The following LAMA2 variants were observed in gnomAD, a reference collection of about 807,000 sequenced individuals.
LAMA2 encodes laminin subunit alpha-2.
In LAMA2, 269 loss-of-function variants were observed where a neutral mutation model predicts 364.8. The ratio of observed to expected loss-of-function variants is 0.74; its 90% confidence interval spans 0.67 to 0.82. The LOEUF (loss-of-function observed/expected upper bound fraction) is 0.82. LAMA2 is among the 40% of genes least tolerant of loss of function. The pLI is 0.00. For missense variants in LAMA2, 3,807 were observed against 3,873.2 expected (o/e 0.98, Z 0.45); for synonymous variants, 1,379 against 1,370.6 (o/e 1.01, Z -0.14).
intron 3 of LAMA2, among the ~76,000 whole-genome samples, chr6:129,097,656 G>A (rs190200312): frequency 6.6e-6 from 1 of 152,298 alleles, no homozygotes; most frequent in African/African-American, 2.4e-5. Flanking sequence ...CTGCCACAAT[G>A]CTAGAACCAC....
intron 3 of LAMA2, among the ~76,000 whole-genome samples, chr6:129,079,715 C>G (rs1181481721): frequency 6.6e-6 from 1 of 151,948 alleles, no homozygotes; most frequent in Non-Finnish European, 1.5e-5. Context: ...GTGAAGAATG[C>G]CCATGTAAAA....
At chr6:128,949,721 T>C (rs1199626528) in intron 1 of LAMA2, among the ~76,000 whole-genome samples, 1 of 152,168 alleles carries the variant, frequency 6.6e-6, no homozygotes, top group Admixed American at 6.6e-5. Context: ...GGTAATTCTT[T>C]CTGTTTTTAT....
In LAMA2 at chr6:129,454,226, A is replaced by C; in HGVS notation, c.6645A>C (p.Gly2215=). 6.2e-7 allele frequency: 1 copy of C among 1,612,110 alleles called. No individual in the cohort carries two copies. Among genetic ancestry groups the C allele is most frequent in the East Asian group, 2.2e-5 (1 of 44,814 alleles). ...TCTGGGATGTTGGATCTGGAGTTGG[A>C]CGTGTAGAGTACCCAGATTTGACTA... ...SFLWDVGSGV[G]RVEYPDLTID... is the part of the protein sequence containing the mutation. The change falls in exon 47 of 65, where the codon GGA becomes GGC. Residue 2215 remains glycine, a synonymous_variant. Coordinates refer to ENST00000421865, the MANE Select transcript of LAMA2 (RefSeq NM_000426.4).
At position 129,315,502 on chromosome 6, in the gene LAMA2, T is replaced by C. The variant is rs137962409; in HGVS notation, c.3582T>C (p.Ile1194=). The C allele has an allele frequency of 4.9e-4, 785 of 1,614,088 alleles. 1 individual carries two copies. Among genetic ancestry groups the C allele is most frequent in the Non-Finnish European group, 6.3e-4 (738 of 1,180,028 alleles). ...TGACTCTGAAGGCTGAGCAGACCAT[T>C]CTACCCCTGGTAGATGAGGCTCTGC... is the stretch of plus-strand genomic sequence containing the variant. ...TWVTLKAEQT[I]LPLVDEALQH... Residue 1194 remains isoleucine (I), a synonymous_variant, in exon 25 of 65, where the codon ATT becomes ATC. Transcript: ENST00000421865.
chr6:129,424,604 G>T (rs1401810998), intron 40 of LAMA2, among the ~76,000 whole-genome samples: 1 of 151,948 alleles, frequency 6.6e-6, no homozygotes, highest in African/African-American at 2.4e-5. Flanking sequence ...TGGAAAATAA[G>T]CATGTGAAAA....
At chr6:129,233,269 T>C (rs1049292271) in intron 12 of LAMA2, among the ~76,000 whole-genome samples, 1 of 152,124 alleles carries the variant, frequency 6.6e-6, no homozygotes, top group East Asian at 1.9e-4. Context: ...ACGGTAGCAA[T>C]AGGAAACTAA....
chr6:129,142,682 T>C (rs1248437125), intron 4 of LAMA2, among the ~76,000 whole-genome samples: 2 of 152,052 alleles, frequency 1.3e-5, no homozygotes, highest in African/African-American at 2.4e-5. Context: ...TACTGCTCAA[T>C]TGACTTTCTT....
chr6:128,883,819 CACACACACACACACACAT>C (rs1423236283), intron 1 of LAMA2, among the ~76,000 whole-genome samples: 41 of 141,616 alleles, frequency 2.9e-4, no homozygotes, highest in African/African-American at 1.2e-3. Flanking sequence ...CACACACACA[CACACACACACACACACAT>C]ATATATATAT....
chr6:129,363,630 A>G (rs1170917366), intron 32 of LAMA2, among the ~76,000 whole-genome samples: 1 of 152,224 alleles, frequency 6.6e-6, no homozygotes, highest in Non-Finnish European at 1.5e-5. Context: ...CAACAGTAGC[A>G]ATATCACCTG....
At chr6:129,478,941 G>A (rs752869093) in intron 54 of LAMA2, 128 bp downstream of exon 54, 87 of 827,086 alleles carry the variant, frequency 1.1e-4, no homozygotes, top group Non-Finnish European at 1.7e-4. Flanking sequence ...ACTCTTAAAC[G>A]ATAAAGCAAG....
intron 12 of LAMA2, among the ~76,000 whole-genome samples, chr6:129,244,372 A>C (rs939891662): frequency 3.3e-5 from 5 of 152,138 alleles, no homozygotes; most frequent in African/African-American, 1.2e-4. Context: ...TGGGAGGGAT[A>C]CCTTTTCAGA....
chr6:128,935,940 A>G (rs1013623385), intron 1 of LAMA2, among the ~76,000 whole-genome samples: 2 of 152,166 alleles, frequency 1.3e-5, no homozygotes, highest in African/African-American at 4.8e-5. Flanking sequence ...TGTCAAAGGA[A>G]ACCAGATGAA....
intron 32 of LAMA2, among the ~76,000 whole-genome samples, chr6:129,356,143 AT>A (rs1331998974): frequency 2.0e-5 from 3 of 152,036 alleles, no homozygotes; most frequent in African/African-American, 2.4e-5. Context: ...CCAAAATGGA[AT>A]TTTTTGCAGC....
chr6:129,047,538 A>G (rs571059319), intron 1 of LAMA2, among the ~76,000 whole-genome samples: 5 of 152,310 alleles, frequency 3.3e-5, no homozygotes, highest in African/African-American at 1.2e-4. Context: ...TTGGAGGAAC[A>G]GGATTAAGGG....
Position 129,377,395 on chromosome 6 carries a change from T to C in LAMA2, c.4960-5727T>C, listed in dbSNP as rs1172028846. ...TCTCCTTTTATATTTTTAAAAGATA[T>C]ATATATAATATAAAACAAGTCATAT... On this transcript the variant is annotated intron_variant, in intron 34 of 64. Coordinates refer to ENST00000421865, the MANE Select transcript of LAMA2 (RefSeq NM_000426.4). Among the ~76,000 whole-genome samples, 6 of 151,978 alleles carry C rather than the reference T, an allele frequency of 3.9e-5. No individual in the cohort carries two copies. In the South Asian group the frequency reaches 1.2e-3, roughly 31 times the overall value.
intron 1 of LAMA2, among the ~76,000 whole-genome samples, chr6:129,008,853 T>C (rs2114690601): frequency 6.6e-6 from 1 of 152,302 alleles, no homozygotes; most frequent in South Asian, 2.1e-4. Context: ...CAGCATCAAC[T>C]TAATCTTCTG....
chr6:129,516,061 C>A, intron 64 of LAMA2, 129 bp from the exon 65 acceptor site: 2 of 1,103,768 alleles, frequency 1.8e-6, no homozygotes, highest in Non-Finnish European at 2.8e-6. Flanking sequence ...AGGCTAAAAA[C>A]AAAACCACTA....
At chr6:128,946,322 G>C (rs1780483516) in intron 1 of LAMA2, among the ~76,000 whole-genome samples, 1 of 152,210 alleles carries the variant, frequency 6.6e-6, no homozygotes, top group East Asian at 1.9e-4. Context: ...AACATACTCA[G>C]AACACTCACA....
At chr6:129,210,977 T>G (rs1255830214) in intron 12 of LAMA2, among the ~76,000 whole-genome samples, 1 of 152,132 alleles carries the variant, frequency 6.6e-6, no homozygotes, top group African/African-American at 2.4e-5. Flanking sequence ...AGTTAGGAGC[T>G]CTACCTACAT....
Sources: gnomAD v4.1 joint callset for allele counts (sites outside exome capture counted in the v4.1 genomes callset) on GRCh38, gnomAD v4.1.1 for gene constraint, MANE v1.5 for transcripts, NCBI Gene and HGNC (gene_info 2026-07-23, HGNC 2026-07-21) for gene names.